TMCC1: variants seen among roughly 807,000 people sequenced by gnomAD.
The protein encoded by TMCC1 is transmembrane and coiled-coil domain family 1.
In TMCC1, 15 loss-of-function variants were observed where a neutral mutation model predicts 52.4. The observed-to-expected ratio is 0.29, with a 90% confidence interval of 0.19 to 0.44. TMCC1 has a LOEUF of 0.44. TMCC1 is among the 20% of genes least tolerant of loss of function. The pLI is 1.00. For synonymous variants in TMCC1, 279 were observed against 301.9 expected (o/e 0.92, Z 0.79); for missense variants, 503 against 806.0 (o/e 0.62, Z 4.55).
intron 4 of TMCC1, among the ~76,000 whole-genome samples, chr3:129,821,221 T>C (rs2058403250): frequency 2.0e-5 from 3 of 152,170 alleles, no homozygotes; most frequent in Non-Finnish European, 4.4e-5. Flanking sequence ...TGTAGATGTG[T>C]AGATGTAGAT....
chr3:129,711,826 TAAAA>T lies in TMCC1; in HGVS notation c.577-40566_577-40563del, dbSNP rs66986935. ...CAACATGGTGAAACCCCGTCTCTACTAAAAAAAAAAAAAAAAAATACAAAAATCA... is the reference window on the plus strand; with the variant it reads ...CAACATGGTGAAACCCCGTCTCTACTAAAAAAAAAAAAAATACAAAAATCA... On this transcript the variant is annotated intron_variant, in intron 4 of 6. Coordinates refer to ENST00000393238, the MANE Select transcript of TMCC1 (RefSeq NM_001017395.5). 5.9e-5 allele frequency among the ~76,000 whole-genome samples: 7 copies of T among 118,690 alleles called. No homozygotes were observed. In the East Asian group the frequency reaches 1.7e-3, roughly 28 times the overall value. 77.9% of individuals were successfully genotyped at this position (118,690 alleles called of 152,430 possible). A position where few individuals can be genotyped will look rare whatever the true frequency, so the allele number is the denominator to read the frequency against.
intron 4 of TMCC1, among the ~76,000 whole-genome samples, chr3:129,813,937 C>CT (rs985345496): frequency 5.9e-5 from 9 of 151,384 alleles, no homozygotes; most frequent in Admixed American, 1.3e-4. Flanking sequence ...ATAATAAACA[C>CT]TTTAATTGTT....
chr3:129,750,609 C>A (rs2052416179), intron 4 of TMCC1, among the ~76,000 whole-genome samples: 1 of 116,334 alleles, frequency 8.6e-6, no homozygotes. Flanking sequence ...AGAGTCTTGT[C>A]TGTCACCCAG....
intron 4 of TMCC1, among the ~76,000 whole-genome samples, chr3:129,701,484 C>T (rs563300430): frequency 5.3e-5 from 8 of 151,996 alleles, no homozygotes; most frequent in Middle Eastern, 3.4e-3. Flanking sequence ...GGTGGAGGAA[C>T]GGAAAAATGA....
intron 2 of TMCC1, among the ~76,000 whole-genome samples, chr3:129,840,855 T>C (rs2059393579): frequency 6.6e-6 from 1 of 152,196 alleles, no homozygotes; most frequent in Admixed American, 6.5e-5. Context: ...AGGTAGTTTT[T>C]TATAGCAGTG....
At chr3:129,784,865 G>C (rs548473388) in intron 4 of TMCC1, among the ~76,000 whole-genome samples, 6 of 151,984 alleles carry the variant, frequency 3.9e-5, no homozygotes, top group Admixed American at 2.0e-4. Context: ...TTGAGAGGCT[G>C]AGGGAGATCA....
chr3:129,685,095 C>A (rs1400863816), intron 4 of TMCC1, among the ~76,000 whole-genome samples: 1 of 152,016 alleles, frequency 6.6e-6, no homozygotes, highest in East Asian at 1.9e-4. Flanking sequence ...GGGAAAGGGG[C>A]TAGCTGGGTG....
chr3:129,676,377 A>C (rs565126197), intron 4 of TMCC1, among the ~76,000 whole-genome samples: 1 of 152,364 alleles, frequency 6.6e-6, no homozygotes, highest in South Asian at 2.1e-4. Context: ...TATGGTCAGA[A>C]GCCACAATTC....
intron 4 of TMCC1, among the ~76,000 whole-genome samples, chr3:129,787,361 C>T (rs555004167): frequency 2.2e-4 from 33 of 152,168 alleles, no homozygotes; most frequent in Middle Eastern, 6.8e-3. Context: ...ATAAGGGAAA[C>T]GTGATCTGTT....
intron 4 of TMCC1, among the ~76,000 whole-genome samples, chr3:129,684,755 A>G (rs928783955): frequency 6.6e-6 from 1 of 152,228 alleles, no homozygotes; most frequent in African/African-American, 2.4e-5. Flanking sequence ...AAGGAAAAAC[A>G]TTTTCTGCTT....
chr3:129,723,178 G>C (rs2049769110), intron 4 of TMCC1, among the ~76,000 whole-genome samples: 1 of 152,108 alleles, frequency 6.6e-6, no homozygotes, highest in African/African-American at 2.4e-5. Context: ...GAAAATGGTG[G>C]TTGTGTTGAA....
At chr3:129,816,151 G>A (rs936895141) in intron 4 of TMCC1, among the ~76,000 whole-genome samples, 17 of 152,108 alleles carry the variant, frequency 1.1e-4, no homozygotes, top group Non-Finnish European at 7.4e-5. Context: ...AATTAGTACA[G>A]CCACTATGGA....
intron 4 of TMCC1, among the ~76,000 whole-genome samples, chr3:129,801,641 G>C (rs1419499291): frequency 1.3e-5 from 2 of 151,862 alleles, no homozygotes; most frequent in Non-Finnish European, 2.9e-5. Context: ...GTATTTTGTT[G>C]GCCAGGCTGG....
intron 2 of TMCC1, among the ~76,000 whole-genome samples, chr3:129,876,653 A>T (rs921771624): frequency 8.6e-5 from 13 of 151,808 alleles, no homozygotes; most frequent in East Asian, 5.8e-4. Flanking sequence ...AAATAAAATT[A>T]AAAAAAATAA....
rs565875492 is a variant in TMCC1 at position 129,677,714 on chromosome 3, G to A, written c.577-6450C>T. Among the ~76,000 whole-genome samples, 7 of 152,320 alleles carry A rather than the reference G, an allele frequency of 4.6e-5. No individual in the cohort carries two copies. In the East Asian group the frequency reaches 1.3e-3, roughly 29 times the overall value. ...TGAGCTGGTTGTCATGGCTTGTTAGGAAGCTTGTGAAGAGTAGAGGGTCCA... is the reference window on the plus strand; with the variant it reads ...TGAGCTGGTTGTCATGGCTTGTTAGAAAGCTTGTGAAGAGTAGAGGGTCCA... On this transcript the variant is annotated intron_variant, in intron 4 of 6. Coordinates refer to ENST00000393238, the MANE Select transcript of TMCC1 (RefSeq NM_001017395.5).
chr3:129,772,295 C>T (rs1414585114), intron 4 of TMCC1, among the ~76,000 whole-genome samples: 1 of 152,108 alleles, frequency 6.6e-6, no homozygotes, highest in Admixed American at 6.5e-5. Flanking sequence ...GAGTCGAGGT[C>T]GTGCCACTGC....
intron 4 of TMCC1, among the ~76,000 whole-genome samples, chr3:129,766,610 G>T (rs1433419231): frequency 7.9e-5 from 12 of 151,914 alleles, no homozygotes; most frequent in Admixed American, 7.9e-4. Context: ...AAATCTTATG[G>T]GTTTTGTTTT....
At chr3:129,816,557 C>A (rs1255921998) in intron 4 of TMCC1, among the ~76,000 whole-genome samples, 1 of 151,880 alleles carries the variant, frequency 6.6e-6, no homozygotes, top group Non-Finnish European at 1.5e-5. Context: ...AAAGAGTAGA[C>A]TAGTGGTTAC....
At chr3:129,727,062 T>C (rs2050164910) in intron 4 of TMCC1, among the ~76,000 whole-genome samples, 1 of 151,844 alleles carries the variant, frequency 6.6e-6, no homozygotes, top group Non-Finnish European at 1.5e-5. Flanking sequence ...TCCTACAATC[T>C]TGTTCCTACT....
Sources: allele counts gnomAD v4.1 joint callset (sites outside exome capture counted in the v4.1 genomes callset), GRCh38; gene constraint gnomAD v4.1.1; transcripts MANE v1.5; gene names NCBI Gene and HGNC (gene_info 2026-07-23, HGNC 2026-07-21).